The following KIF15 variants were observed in gnomAD, a reference collection of about 807,000 sequenced individuals.
The protein encoded by KIF15 is kinesin family member 15.
A neutral mutation model predicts 190.6 loss-of-function variants in KIF15; 140 were observed. The observed-to-expected ratio is 0.73, with a 90% CI of 0.64 to 0.84. The LOEUF (loss-of-function observed/expected upper bound fraction) is 0.84, where lower values mean the gene tolerates loss of function less well. Among genes scored for constraint, KIF15 ranks in the 40% least tolerant of loss-of-function variants. The pLI is 0.00. For synonymous variants in KIF15, 528 were observed against 551.3 expected (o/e 0.96, Z 0.59); for missense variants, 1,372 against 1,584.4 (o/e 0.87, Z 2.28).
At chr3:44,767,469 A>G (rs1705445094) in intron 1 of KIF15, among the ~76,000 whole-genome samples, 1 of 152,216 alleles carries the variant, frequency 6.6e-6, no homozygotes, top group South Asian at 2.1e-4. Flanking sequence ...GGAAAGATGG[A>G]GTTAACGGAG....
chr3:44,802,457 T>A (rs1707323372), intron 13 of KIF15, among the ~76,000 whole-genome samples: 1 of 152,220 alleles, frequency 6.6e-6, no homozygotes. Flanking sequence ...TTTTTGCACT[T>A]CGCCTTTTTC....
At chr3:44,782,281 C>T (rs540243276) in intron 5 of KIF15, among the ~76,000 whole-genome samples, 1 of 152,194 alleles carries the variant, frequency 6.6e-6, no homozygotes, top group South Asian at 2.1e-4. Flanking sequence ...AGGCTGGTCT[C>T]GAACTCCCGA....
chr3:44,821,990 G>A (rs907982704), intron 20 of KIF15, among the ~76,000 whole-genome samples: 8 of 152,182 alleles, frequency 5.3e-5, no homozygotes, highest in East Asian at 1.9e-4. Flanking sequence ...CAGGCGTGGC[G>A]GTGCGTGCCT....
chr3:44,863,883 G>A (rs773563681), intron 6 of KIF15: 28 of 357,284 alleles, frequency 7.8e-5, no homozygotes, highest in Non-Finnish European at 1.3e-4. Context: ...TGGTCATTGT[G>A]GGACCAATAA....
intron 7 of KIF15, among the ~76,000 whole-genome samples, chr3:44,792,600 G>A (rs1054847731): frequency 4.0e-5 from 6 of 150,822 alleles, no homozygotes; most frequent in Non-Finnish European, 7.4e-5. Context: ...AGGCTGGAGC[G>A]GAATGGCCCG....
rs141405345 is a variant in KIF15 at position 44,807,580 on chromosome 3, T to A, written c.1971+1594T>A. Among the ~76,000 whole-genome samples, 527 of 152,276 alleles carry A rather than the reference T, an allele frequency of 3.5e-3. 4 individuals are homozygous for A. Among genetic ancestry groups the A allele is most frequent in the Non-Finnish European group, 6.3e-3 (428 of 68,028 alleles). On this transcript the variant is annotated intron_variant, in intron 16 of 34. Coordinates refer to ENST00000326047, the MANE Select transcript of KIF15 (RefSeq NM_020242.3). ...CAAATCTCTTTCCTTCTGTTGTTCT[T>A]CCAGCCAACCAAGAACTGGAGGCAA...
Position 44,797,674 on chromosome 3 carries a change from C to T in KIF15, c.973C>T (p.Arg325Trp), listed in dbSNP as rs375650379. 2.9e-5 allele frequency: 46 copies of T among 1,613,502 alleles called. No individual in the cohort carries two copies. The highest frequency in any genetic ancestry group is 1.6e-4 in the Middle Eastern group (1 of 6,080). Residue 325 changes from arginine to tryptophan, a missense_variant and splice_region_variant, in exon 9 of 35, where the codon CGG becomes TGG. Arg to Trp is a moderately radical substitution (Grantham distance 101). Transcript: ENST00000326047. ...AGACTCCAAACTTACCTTCTTACTA[C>T]GGGTAAAGTAGATCCTTGGGTTCCT... is the stretch of plus-strand genomic sequence containing the variant. ...YRDSKLTFLL[R>W]DSLGGNAKTA...
chr3:44,773,635 G>A lies in KIF15; in HGVS notation c.20-760G>A, dbSNP rs143225506. ...GCCAACATTCCCTACCCCTGAGAGCGATGAGGGGTAGAAGGGGGCACAGTT... is the reference window on the plus strand; with the variant it reads ...GCCAACATTCCCTACCCCTGAGAGCAATGAGGGGTAGAAGGGGGCACAGTT... On this transcript the variant is annotated intron_variant, in intron 1 of 34. Coordinates refer to ENST00000326047, the MANE Select transcript of KIF15 (RefSeq NM_020242.3). 8.0e-4 allele frequency among the ~76,000 whole-genome samples: 122 copies of A among 152,342 alleles called. No homozygotes were observed. The East Asian group carries it at 0.012, about 15-fold the overall frequency.
intron 8 of KIF15, among the ~76,000 whole-genome samples, chr3:44,794,895 G>A (rs1208878764): frequency 2.0e-5 from 3 of 152,110 alleles, no homozygotes; most frequent in Admixed American, 6.5e-5. Context: ...CTGGGAGGCC[G>A]AGGTTGCAGT....
chr3:44,821,281 C>T (rs768868459), intron 20 of KIF15, among the ~76,000 whole-genome samples: 8 of 148,994 alleles, frequency 5.4e-5, no homozygotes, highest in African/African-American at 1.5e-4. Flanking sequence ...CCCTCCTGGA[C>T]GGGGCGGCTG....
intron 22 of KIF15, 59 bp from the exon 23 acceptor site, chr3:44,827,400 A>G (rs1426891732): frequency 8.2e-7 from 1 of 1,212,294 alleles, no homozygotes; most frequent in East Asian, 2.3e-5. Context: ...GTACTAACAG[A>G]TTCAGTTCCT....
chr3:44,797,895 G>GAACCCTGGATCACACTTAAC lies in KIF15; in HGVS notation c.1037_1038insAACCCTGGATCACACTTAAC (p.Cys346Ter). 6.2e-7 allele frequency: 1 copy of GAACCCTGGATCACACTTAAC among 1,613,944 alleles called. No homozygotes were observed. Among genetic ancestry groups the GAACCCTGGATCACACTTAAC allele is most frequent in the Non-Finnish European group, 8.5e-7 (1 of 1,179,966 alleles). On this transcript the variant is annotated stop_gained and frameshift_variant, in exon 10 of 35. Coordinates refer to ENST00000326047, the MANE Select transcript of KIF15 (RefSeq NM_020242.3). LOFTEE classifies it high-confidence loss of function. ...GCAAATGTTCATCCTGGATCCAGGT[G>GAACCCTGGATCACACTTAAC]TTTTGGGGAAACCCTATCAACACTT...
chr3:44,830,431 G>C (rs1698010553), intron 25 of KIF15, among the ~76,000 whole-genome samples: 1 of 152,112 alleles, frequency 6.6e-6, no homozygotes. Context: ...GTGGCTTTGA[G>C]GAAAAAGTAA....
chr3:44,833,685 C>A (rs1698178102), intron 26 of KIF15, among the ~76,000 whole-genome samples: 3 of 138,768 alleles, frequency 2.2e-5, no homozygotes, highest in African/African-American at 7.4e-5. Flanking sequence ...CAGTTCCTAA[C>A]AAGCCACAGA....
intron 6 of KIF15, chr3:44,865,403 T>C: frequency 1.7e-6 from 1 of 571,874 alleles, no homozygotes; most frequent in Admixed American, 3.0e-5. Flanking sequence ...TGCTTTGGAT[T>C]CTTCCTCCCA....
At chr3:44,767,653 T>C (rs1705454478) in intron 1 of KIF15, among the ~76,000 whole-genome samples, 1 of 151,460 alleles carries the variant, frequency 6.6e-6, no homozygotes, top group Non-Finnish European at 1.5e-5. Context: ...CCCAGCACTT[T>C]GGGAGGCCGA....
chr3:44,836,449 G>C (rs573815977), intron 26 of KIF15, among the ~76,000 whole-genome samples: 3 of 151,830 alleles, frequency 2.0e-5, no homozygotes, highest in African/African-American at 7.3e-5. Flanking sequence ...AAAATATCTT[G>C]ATATAAAGAT....
Position 44,774,379 on chromosome 3 carries a change from CT to C in KIF15, c.20-5del, listed in dbSNP as rs112868991. 9,567 of 1,167,668 alleles carry C rather than the reference CT, an allele frequency of 8.2e-3. No individual in the cohort carries two copies. The highest frequency in any genetic ancestry group is 0.014 in the South Asian group (886 of 62,546). The allele number at this position is 1,167,668 out of a possible 1,614,324, so 72.3% of individuals were successfully genotyped here. A position where few individuals can be genotyped will look rare whatever the true frequency, so the allele number is the denominator to read the frequency against. ...TTACAATTTAAATGACCTTTAATAACTTTTTTTTTTTCTAGCTGAGTTACGC... is the reference window on the plus strand; with the variant it reads ...TTACAATTTAAATGACCTTTAATAACTTTTTTTTTTCTAGCTGAGTTACGC... On this transcript the variant is annotated splice_polypyrimidine_tract_variant and intron_variant, in intron 1 of 34. Coordinates refer to ENST00000326047, the MANE Select transcript of KIF15 (RefSeq NM_020242.3).
rs1324166404 is a variant in KIF15 at position 44,843,219 on chromosome 3, G to A, written c.3680G>A (p.Arg1227Lys). Residue 1227 changes from arginine to lysine, a missense_variant, in exon 30 of 35, where the codon AGA (arginine) becomes AAA (lysine). Coordinates refer to ENST00000326047, the MANE Select transcript of KIF15 (RefSeq NM_020242.3). ...CAAGGTCAGCTGGATGATATTAAAA[G>A]ACAAAAGGAAAACAGGTGAGAAAGA... ...LLQGQLDDIK[R>K]QKENSDQNHP... is the part of the protein sequence containing the mutation. 6.2e-7 allele frequency: 1 copy of A among 1,611,550 alleles called. No homozygotes were observed. The highest frequency in any genetic ancestry group is 8.5e-7 in the Non-Finnish European group (1 of 1,178,280).
Sources: allele counts gnomAD v4.1 joint callset (sites outside exome capture counted in the v4.1 genomes callset), GRCh38; gene constraint gnomAD v4.1.1; transcripts MANE v1.5; gene names NCBI Gene and HGNC (gene_info 2026-07-23, HGNC 2026-07-21).